DDX23: variants seen among roughly 807,000 people sequenced by gnomAD.
The protein encoded by DDX23 is DEAD-box helicase 23.
Under a neutral mutation model 102.7 loss-of-function variants are expected in DDX23, and 33 were observed. The observed-to-expected ratio is 0.32, with a 90% CI of 0.24 to 0.43. The LOEUF is 0.43. DDX23 is among the 20% of genes least tolerant of loss of function. The probability of loss-of-function intolerance (pLI) is 1.00; values close to 1 mark genes in which losing one functional copy is unlikely to be tolerated. For missense variants in DDX23, 549 were observed against 1,086.6 expected (o/e 0.51, Z 6.96); for synonymous variants, 352 against 376.0 (o/e 0.94, Z 0.74).
Position 48,834,344 on chromosome 12 carries a change from G to C in DDX23, c.1536C>G (p.Gly512=). 1.2e-6 allele frequency: 2 copies of C among 1,614,026 alleles called. No individual in the cohort carries two copies. Among genetic ancestry groups the C allele is most frequent in the Middle Eastern group, 1.7e-4 (1 of 6,060 alleles). The part of the protein sequence containing the change: ...VIGGISREDQ[G]FRLRMGCEIV... Reference sequence around the variant, plus strand: ...CCTCACAACCCATGCGCAGCCTGAAGCCCTGGTCTTCTCTGGAGATGCCAC... The same window carrying C: ...CCTCACAACCCATGCGCAGCCTGAACCCCTGGTCTTCTCTGGAGATGCCAC... The change falls in exon 12 of 17, where the codon GGC becomes GGG. Residue 512 remains glycine, a synonymous_variant. Transcript: ENST00000308025.
chr12:48,840,550 A>ATT (rs747756955), intron 3 of DDX23, among the ~76,000 whole-genome samples: 11 of 131,896 alleles, frequency 8.3e-5, no homozygotes, highest in African/African-American at 1.7e-4. Context: ...TTAGAGAAAA[A>ATT]TTTTTTTTTT....
intron 11 of DDX23, chr12:48,835,219 A>G (rs2137483160): frequency 9.5e-6 from 2 of 211,630 alleles, no homozygotes; most frequent in Non-Finnish European, 2.0e-5. Flanking sequence ...TCCAGCCTAG[A>G]CAATAGAGCG....
At position 48,832,309 on chromosome 12, in the gene DDX23, C is replaced by G; in HGVS notation, c.1955+113G>C. The G allele has an allele frequency of 6.4e-7, 1 of 1,553,146 alleles. No individual in the cohort carries two copies. The highest frequency in any genetic ancestry group is 1.2e-5 in the South Asian group (1 of 85,068). On this transcript the variant is annotated intron_variant, in intron 14 of 16. Coordinates refer to ENST00000308025, the MANE Select transcript of DDX23 (RefSeq NM_004818.3). The surrounding 1 kb of genome is among the most constrained non-coding windows in gnomAD (Gnocchi z 4.4). ...GCCCATGACATTCTGCCCAAGAAAA[C>G]AGCAGCTCTTCAACACAGCAGAGCA...
chr12:48,844,723 G>T (rs1040083757), intron 2 of DDX23, among the ~76,000 whole-genome samples: 1 of 150,190 alleles, frequency 6.7e-6, no homozygotes, highest in Non-Finnish European at 1.5e-5. Context: ...CACCTGCCTC[G>T]GCCTCCCAAA....
Position 48,832,123 on chromosome 12 carries a change from C to T in DDX23, c.2019G>A (p.Gln673=). 3 of 1,613,986 alleles carry T rather than the reference C, an allele frequency of 1.9e-6. No individual in the cohort carries two copies. Among genetic ancestry groups the T allele is most frequent in the Non-Finnish European group, 2.5e-6 (3 of 1,180,026 alleles). Residue 673 remains glutamine, a synonymous_variant, in exon 15 of 17, where the codon CAG becomes CAA. Transcript: ENST00000308025. This position sits in a 1 kb window ranked among gnomAD's most constrained non-coding sequence, Gnocchi z 4.4. ...FDPPIIIFVN[Q]KKGCDVLAKS... ...TGGCCAACACGTCGCAGCCCTTCTT[C>T]TGGTTGACAAAAATAATGATGGGTG...
At position 48,832,301 on chromosome 12, in the gene DDX23, C is replaced by A; in HGVS notation, c.1956-115G>T. 1 of 1,551,994 alleles carries A rather than the reference C, an allele frequency of 6.4e-7. No homozygotes were observed. The highest frequency in any genetic ancestry group is 8.8e-7 in the Non-Finnish European group (1 of 1,135,318). ...TCTTTAATGCCCATGACATTCTGCC[C>A]AAGAAAACAGCAGCTCTTCAACACA... On this transcript the variant is annotated intron_variant, in intron 14 of 16. Transcript: ENST00000308025. This position sits in a 1 kb window ranked among gnomAD's most constrained non-coding sequence, Gnocchi z 4.4.
chr12:48,837,918 G>A (rs560414065), intron 6 of DDX23, 24 bp downstream of exon 6: 8 of 1,612,000 alleles, frequency 5.0e-6, no homozygotes, highest in Non-Finnish European at 6.8e-6. Context: ...CCATCTAGGG[G>A]CTACACAGGG....
intron 1 of DDX23, among the ~76,000 whole-genome samples, chr12:48,849,267 C>T (rs749983817): frequency 1.8e-4 from 28 of 151,896 alleles, no homozygotes; most frequent in Non-Finnish European, 3.1e-4. Flanking sequence ...GAGGCCAAGG[C>T]GGGAGGATCA....
At chr12:48,842,190 C>T (rs976005093) in intron 3 of DDX23, among the ~76,000 whole-genome samples, 53 of 139,834 alleles carry the variant, frequency 3.8e-4, no homozygotes, top group African/African-American at 1.1e-3. Context: ...GGTTAGCTCC[C>T]CACCCGGCCA....
intron 5 of DDX23, among the ~76,000 whole-genome samples, chr12:48,838,412 T>C (rs1389929808): frequency 1.3e-5 from 2 of 151,996 alleles, no homozygotes; most frequent in Non-Finnish European, 2.9e-5. Flanking sequence ...CAGCCAGACA[T>C]GATGGCATGT....
In DDX23 at chr12:48,837,923, A is replaced by C; in HGVS notation, c.619+19T>G. On this transcript the variant is annotated intron_variant, in intron 6 of 16. Coordinates refer to ENST00000308025, the MANE Select transcript of DDX23 (RefSeq NM_004818.3). ...CTTTCCTCTTCCATCTAGGGGCTAC[A>C]CAGGGTAGAATAACAAACCCAACAT... 1 of 1,612,270 alleles carries C rather than the reference A, an allele frequency of 6.2e-7. No individual in the cohort carries two copies. Among genetic ancestry groups the C allele is most frequent in the Non-Finnish European group, 8.5e-7 (1 of 1,179,966 alleles).
chr12:48,841,094 T>G (rs945856149), intron 3 of DDX23, among the ~76,000 whole-genome samples: 21 of 152,082 alleles, frequency 1.4e-4, no homozygotes, highest in African/African-American at 5.1e-4. Context: ...TGATAAGAAC[T>G]CTGTATACAG....
Position 48,836,864 on chromosome 12 carries a change from T to C in DDX23, c.1010+30A>G. The C allele has an allele frequency of 6.2e-7, 1 of 1,613,952 alleles. No individual in the cohort carries two copies. Among genetic ancestry groups the C allele is most frequent in the South Asian group, 1.1e-5 (1 of 91,078 alleles). On this transcript the variant is annotated intron_variant, in intron 9 of 16. Transcript: ENST00000308025. The surrounding 1 kb of genome is among the most constrained non-coding windows in gnomAD (Gnocchi z 6.1). ...TCCTTTCTGTAGAGCCTCTGGGCTC[T>C]GTCCAGCCACCCTAGCCTTGATCAC... is the stretch of plus-strand genomic sequence containing the variant.
intron 1 of DDX23, among the ~76,000 whole-genome samples, chr12:48,850,872 G>T (rs1214101679): frequency 6.6e-6 from 1 of 152,182 alleles, no homozygotes; most frequent in Admixed American, 6.5e-5. Context: ...TGCGGGAATG[G>T]AAGCCTGAGT....
intron 3 of DDX23, 46 bp downstream of exon 3, chr12:48,843,894 G>C (rs1372859503): frequency 6.3e-7 from 1 of 1,593,462 alleles, no homozygotes; most frequent in South Asian, 1.1e-5. Flanking sequence ...GTGCAGAGAA[G>C]AAATGGGAGC....
At chr12:48,843,286 A>G (rs1275442741) in intron 3 of DDX23, among the ~76,000 whole-genome samples, 1 of 149,950 alleles carries the variant, frequency 6.7e-6, no homozygotes, top group Non-Finnish European at 1.5e-5. Context: ...ACACCCAAGA[A>G]TGATCAATTA....
chr12:48,843,288 GATCA>G (rs1355407116), intron 3 of DDX23, among the ~76,000 whole-genome samples: 1 of 148,120 alleles, frequency 6.8e-6, no homozygotes, highest in Non-Finnish European at 1.5e-5. Flanking sequence ...ACCCAAGAAT[GATCA>G]ATTAAAAAAA....
chr12:48,840,009 T>G lies in DDX23; in HGVS notation c.414+4A>C, dbSNP rs1366710455. ...AGATGAAAAATATCCTTCCTCTCCT[T>G]TACCTTAGGCTTCTTATCACCATGT... On this transcript the variant is annotated splice_donor_region_variant and intron_variant, in intron 4 of 16. Coordinates refer to ENST00000308025, the MANE Select transcript of DDX23 (RefSeq NM_004818.3). 6.2e-7 allele frequency: 1 copy of G among 1,613,708 alleles called. No individual in the cohort carries two copies. Among genetic ancestry groups the G allele is most frequent in the East Asian group, 2.2e-5 (1 of 44,884 alleles).
chr12:48,831,391 A>G, intron 15 of DDX23, 75 bp from the exon 16 acceptor site: 1 of 1,438,038 alleles, frequency 7.0e-7, no homozygotes, highest in Non-Finnish European at 9.7e-7. Flanking sequence ...GGAATGGGAC[A>G]CAGATGAAGG....
Sources: allele counts gnomAD v4.1 joint callset (sites outside exome capture counted in the v4.1 genomes callset), GRCh38; gene constraint gnomAD v4.1.1; non-coding constraint Gnocchi (gnomAD v3.1); transcripts MANE v1.5; gene names NCBI Gene and HGNC (gene_info 2026-07-23, HGNC 2026-07-21).